The following LONP2 variants were observed in gnomAD, a reference collection of about 807,000 sequenced individuals.
LONP2 encodes lon protease homolog 2, peroxisomal.
LONP2 carries 60 observed loss-of-function variants against 85.6 expected under a neutral mutation model. The observed-to-expected ratio is 0.70, with a 90% CI of 0.57 to 0.87. The LOEUF (loss-of-function observed/expected upper bound fraction) is 0.87. Ranked by LOEUF, LONP2 falls within the 40% of genes least tolerant of loss-of-function variation. The pLI is 0.00. For synonymous variants in LONP2, 395 were observed against 389.7 expected, an observed-to-expected ratio of 1.01 and a Z score of -0.16; for missense variants, 860 against 1,063.5, an observed-to-expected ratio of 0.81 and a Z score of 2.66.
At chr16:48,300,270 A>G (rs756425201) in intron 10 of LONP2, among the ~76,000 whole-genome samples, 1 of 152,200 alleles carries the variant, frequency 6.6e-6, no homozygotes, top group Non-Finnish European at 1.5e-5. Context: ...AGAGATTTTT[A>G]AAATCCTTAG....
intron 10 of LONP2, among the ~76,000 whole-genome samples, chr16:48,300,232 C>T (rs1217122926): frequency 6.6e-6 from 1 of 152,166 alleles, no homozygotes; most frequent in Non-Finnish European, 1.5e-5. Flanking sequence ...ATTTAAGTTA[C>T]TCACTTTTCT....
chr16:48,265,189 T>C (rs1050819109), intron 6 of LONP2, among the ~76,000 whole-genome samples: 7 of 152,208 alleles, frequency 4.6e-5, no homozygotes, highest in African/African-American at 1.4e-4. Context: ...TGCTGAACTT[T>C]TTTTATTCTG....
At chr16:48,314,123 C>T (rs1430147125) in intron 11 of LONP2, among the ~76,000 whole-genome samples, 3 of 150,446 alleles carry the variant, frequency 2.0e-5, no homozygotes, top group Non-Finnish European at 4.4e-5. Context: ...AGTGTCTGTT[C>T]ATGTCCCTTG....
chr16:48,328,451 G>A (rs1219352678), intron 11 of LONP2, among the ~76,000 whole-genome samples: 1 of 151,720 alleles, frequency 6.6e-6, no homozygotes, highest in African/African-American at 2.4e-5. Flanking sequence ...AGGCCGTGGC[G>A]GGTGGATCAC....
intron 10 of LONP2, among the ~76,000 whole-genome samples, chr16:48,301,006 A>C (rs1190766343): frequency 6.6e-6 from 1 of 152,200 alleles, no homozygotes; most frequent in Non-Finnish European, 1.5e-5. Context: ...ATACTTGTTA[A>C]CTCAAAATAT....
chr16:48,257,820 CT>C (rs1971790659), intron 3 of LONP2, among the ~76,000 whole-genome samples: 1 of 152,244 alleles, frequency 6.6e-6, no homozygotes, highest in Non-Finnish European at 1.5e-5. Flanking sequence ...AGAGAGCCCC[CT>C]GGCTGTGGGC....
At chr16:48,346,282 A>C (rs1387157508) in intron 12 of LONP2, among the ~76,000 whole-genome samples, 2 of 152,208 alleles carry the variant, frequency 1.3e-5, no homozygotes, top group Admixed American at 1.3e-4. Flanking sequence ...TATTGTGTTC[A>C]GTTCCTCTAA....
chr16:48,341,030 A>ATTG (rs1959792992), intron 12 of LONP2, among the ~76,000 whole-genome samples: 2 of 151,978 alleles, frequency 1.3e-5, no homozygotes, highest in African/African-American at 4.8e-5. Flanking sequence ...GGCCAGGTGC[A>ATTG]TTGGCTCACA....
At chr16:48,321,411 C>T (rs377089651) in intron 11 of LONP2, among the ~76,000 whole-genome samples, 3 of 152,178 alleles carry the variant, frequency 2.0e-5, no homozygotes, top group African/African-American at 4.8e-5. Flanking sequence ...ACTTTCTTGT[C>T]TGGTACTAAA....
intron 10 of LONP2, 30 bp downstream of exon 10, chr16:48,299,818 C>T: frequency 6.3e-7 from 1 of 1,595,384 alleles, no homozygotes; most frequent in South Asian, 1.1e-5. Flanking sequence ...GCTTCATTAA[C>T]TCCAGGCAAC....
chr16:48,334,168 AG>A (rs1227594658), intron 11 of LONP2, 47 bp from the exon 12 acceptor site: 1 of 1,575,152 alleles, frequency 6.3e-7, no homozygotes, highest in Non-Finnish European at 8.6e-7. Context: ...TGAATTTTCC[AG>A]CCTGCAAATC....
intron 6 of LONP2, among the ~76,000 whole-genome samples, chr16:48,267,207 G>A (rs1268015685): frequency 2.0e-5 from 3 of 152,120 alleles, no homozygotes; most frequent in Admixed American, 2.0e-4. Context: ...ATAAATTATG[G>A]TATAAAAGGA....
chr16:48,313,432 T>C (rs940320511), intron 11 of LONP2, among the ~76,000 whole-genome samples: 1 of 152,150 alleles, frequency 6.6e-6, no homozygotes, highest in Non-Finnish European at 1.5e-5. Context: ...CACCCAGGTA[T>C]TAAGCCCAGC....
intron 8 of LONP2, among the ~76,000 whole-genome samples, chr16:48,279,374 A>G (rs931019302): frequency 3.9e-5 from 6 of 152,124 alleles, no homozygotes; most frequent in African/African-American, 1.4e-4. Flanking sequence ...CTTCTACTCA[A>G]TAGCTTTAAG....
Position 48,270,004 on chromosome 16 carries a change from G to T in LONP2, c.983-12G>T, listed in dbSNP as rs1567315844. ...TATGTGTTCTAATTATTTCTGTTGG[G>T]TTATTTGACAGACCGCCTGGACATT... is the stretch of plus-strand genomic sequence containing the variant. On this transcript the variant is annotated splice_polypyrimidine_tract_variant and intron_variant, in intron 6 of 14. Transcript: ENST00000285737. 2.5e-6 allele frequency: 4 copies of T among 1,608,332 alleles called. No homozygotes were observed. Among genetic ancestry groups the T allele is most frequent in the Non-Finnish European group, 2.5e-6 (3 of 1,177,550 alleles).
chr16:48,335,718 A>G (rs190031847), intron 12 of LONP2, among the ~76,000 whole-genome samples: 16 of 152,330 alleles, frequency 1.1e-4, no homozygotes, highest in Admixed American at 7.8e-4. Flanking sequence ...GATGAGAAAT[A>G]GCCCCCAAGC....
Position 48,356,681 on chromosome 16 carries a change from A to G in LONP2, c.*4879A>G, listed in dbSNP as rs1398422301. ...TGCTGAAAGAGGAAGGAAATATCAA[A>G]AAGGTCTGAATAGACAACAGGCAAA... On this transcript the variant is annotated 3_prime_UTR_variant, in exon 15 of 15. Coordinates refer to ENST00000285737, the MANE Select transcript of LONP2 (RefSeq NM_031490.5). 3 of 394,134 alleles carry G rather than the reference A, an allele frequency of 7.6e-6. No individual in the cohort carries two copies. In the East Asian group the frequency reaches 2.2e-4, roughly 29 times the overall value. The allele number at this position is 394,134 out of a possible 1,614,324, so 24.4% of individuals were successfully genotyped here. A position where few individuals can be genotyped will look rare whatever the true frequency, so the allele number is the denominator to read the frequency against.
At chr16:48,312,126 A>T (rs1973045556) in intron 11 of LONP2, among the ~76,000 whole-genome samples, 1 of 151,774 alleles carries the variant, frequency 6.6e-6, no homozygotes. Context: ...TTTTTTTAGT[A>T]GAGATGCGGT....
chr16:48,313,875 A>G (rs1048715988), intron 11 of LONP2, among the ~76,000 whole-genome samples: 1 of 152,216 alleles, frequency 6.6e-6, no homozygotes, highest in Non-Finnish European at 1.5e-5. Flanking sequence ...TCTTTGAGGA[A>G]TCACCACACT....
Sources: gnomAD v4.1 joint callset for allele counts (sites outside exome capture counted in the v4.1 genomes callset) on GRCh38, gnomAD v4.1.1 for gene constraint, MANE v1.5 for transcripts, NCBI Gene and HGNC (gene_info 2026-07-23, HGNC 2026-07-21) for gene names.